Variants in ITFG1 observed in about 807,000 individuals in gnomAD.
ITFG1 encodes integrin alpha FG-GAP repeat containing 1.
ITFG1 carries 34 observed loss-of-function variants against 81.8 expected under a neutral mutation model. The observed-to-expected ratio is 0.42, with a 90% CI of 0.32 to 0.55. The LOEUF (loss-of-function observed/expected upper bound fraction) is 0.55. Ranked by LOEUF, ITFG1 falls within the 20% of genes least tolerant of loss-of-function variation. The pLI is 0.17. For synonymous variants in ITFG1, 285 were observed against 270.6 expected, an observed-to-expected ratio of 1.05 and a Z score of -0.52; for missense variants, 672 against 755.4, an observed-to-expected ratio of 0.89 and a Z score of 1.29.
intron 8 of ITFG1, among the ~76,000 whole-genome samples, chr16:47,319,598 CTTACTAAAA>C (rs1967417673): frequency 6.6e-6 from 1 of 152,122 alleles, no homozygotes; most frequent in Non-Finnish European, 1.5e-5. Context: ...AGGGTTGAGA[CTTACTAAAA>C]TTATTGTTTT....
chr16:47,181,143 G>A (rs1475635657), intron 14 of ITFG1, among the ~76,000 whole-genome samples: 4 of 145,424 alleles, frequency 2.8e-5, no homozygotes, highest in Admixed American at 1.4e-4. Context: ...GAGCGCCGCT[G>A]CCCCACCGCC....
chr16:47,162,711 T>C (rs777544546), intron 14 of ITFG1, 47 bp from the exon 15 acceptor site: 7 of 1,494,254 alleles, frequency 4.7e-6, no homozygotes, highest in Middle Eastern at 3.6e-4. Context: ...TCTGGAAACA[T>C]TGCTCCCATC....
At position 47,154,457 on chromosome 16, in the gene ITFG1, C is replaced by G. The variant is rs1964672337; in HGVS notation, c.*1262G>C. 1 of 152,030 alleles carries G rather than the reference C, an allele frequency of 6.6e-6. No individual in the cohort carries two copies. The highest frequency in any genetic ancestry group is 2.4e-5 in the African/African-American group (1 of 41,386). The allele number at this position is 152,030 out of a possible 1,614,324, so 9.4% of individuals were successfully genotyped here. ...TTAGATACAAAGTAAAAACACATGC[C>G]AATCTCAGTGAACTATAAAGAAAAA... On this transcript the variant is annotated 3_prime_UTR_variant, in exon 18 of 18. Coordinates refer to ENST00000320640, the MANE Select transcript of ITFG1 (RefSeq NM_030790.5).
chr16:47,340,230 T>A (rs1274231557), intron 8 of ITFG1, among the ~76,000 whole-genome samples: 1 of 152,040 alleles, frequency 6.6e-6, no homozygotes, highest in Non-Finnish European at 1.5e-5. Context: ...AGAAAAAAAA[T>A]TATTGGTAAA....
chr16:47,433,792 T>TATATATATATATACAC (rs1491145615), intron 5 of ITFG1, among the ~76,000 whole-genome samples: 2 of 135,652 alleles, frequency 1.5e-5, no homozygotes, highest in African/African-American at 5.7e-5. Context: ...TATATATATA[T>TATATATATATATACAC]ACACACACAC....
intron 12 of ITFG1, among the ~76,000 whole-genome samples, chr16:47,245,985 A>G (rs1965998247): frequency 1.3e-5 from 2 of 152,240 alleles, no homozygotes; most frequent in African/African-American, 4.8e-5. Context: ...ACATTATCCT[A>G]CGATGATAGG....
At chr16:47,225,276 A>C (rs1965744236) in intron 13 of ITFG1, among the ~76,000 whole-genome samples, 2 of 152,168 alleles carry the variant, frequency 1.3e-5, no homozygotes, top group Non-Finnish European at 2.9e-5. Flanking sequence ...AAAAAAAATG[A>C]ACAGAGCCTC....
intron 8 of ITFG1, among the ~76,000 whole-genome samples, chr16:47,347,668 T>C (rs1330519183): frequency 6.6e-6 from 1 of 152,196 alleles, no homozygotes; most frequent in Non-Finnish European, 1.5e-5. Context: ...GACTTAACTG[T>C]TCCTGTCTGA....
intron 14 of ITFG1, among the ~76,000 whole-genome samples, chr16:47,207,350 C>T (rs1461894903): frequency 6.6e-6 from 1 of 152,188 alleles, no homozygotes; most frequent in Non-Finnish European, 1.5e-5. Flanking sequence ...TCCCAAAGTG[C>T]TGGGATTACA....
At chr16:47,338,489 G>C (rs569218914) in intron 8 of ITFG1, among the ~76,000 whole-genome samples, 17 of 152,154 alleles carry the variant, frequency 1.1e-4, no homozygotes, top group African/African-American at 3.9e-4. Context: ...GTGAGAACCT[G>C]ATTTCCAGAG....
intron 14 of ITFG1, chr16:47,218,553 TAAC>T (rs1432055250): frequency 1.2e-5 from 2 of 166,078 alleles, no homozygotes; most frequent in East Asian, 3.3e-4. Flanking sequence ...TGAACTTAAT[TAAC>T]TAATTTGCAC....
At chr16:47,328,060 T>C (rs964793309) in intron 8 of ITFG1, among the ~76,000 whole-genome samples, 3 of 152,150 alleles carry the variant, frequency 2.0e-5, no homozygotes, top group African/African-American at 7.2e-5. Flanking sequence ...AGCAAAGACT[T>C]GGAACCAACC....
chr16:47,399,010 G>C (rs1163470174), intron 6 of ITFG1, among the ~76,000 whole-genome samples: 4 of 152,184 alleles, frequency 2.6e-5, no homozygotes, highest in Admixed American at 2.6e-4. Flanking sequence ...CCCTTAATCA[G>C]CTCTGAGAAG....
intron 5 of ITFG1, among the ~76,000 whole-genome samples, chr16:47,439,957 C>G (rs548750945): frequency 1.2e-4 from 18 of 152,212 alleles, no homozygotes; most frequent in Non-Finnish European, 1.8e-4. Context: ...CGTGCAGAGA[C>G]ACACATAGGC....
In ITFG1 at chr16:47,350,312, A is replaced by C. The variant is rs749601790; in HGVS notation, c.802+15476T>G. 3.9e-5 allele frequency among the ~76,000 whole-genome samples: 6 copies of C among 152,248 alleles called. No homozygotes were observed. In the South Asian group the frequency reaches 8.3e-4, roughly 21 times the overall value. On this transcript the variant is annotated intron_variant, in intron 8 of 17. Transcript: ENST00000320640. Reference sequence around the variant, plus strand: ...AAAAGATCAACAAAATTGATAGACCACTAGCAAGACTAATAAAGAAGAAAA... The same window carrying C: ...AAAAGATCAACAAAATTGATAGACCCCTAGCAAGACTAATAAAGAAGAAAA...
chr16:47,299,154 A>T (rs1967033107), intron 10 of ITFG1, among the ~76,000 whole-genome samples: 2 of 152,182 alleles, frequency 1.3e-5, no homozygotes, highest in South Asian at 4.1e-4. Flanking sequence ...TTTGTCTGAC[A>T]TTCAGAATAT....
intron 10 of ITFG1, among the ~76,000 whole-genome samples, chr16:47,308,948 TAGTC>T (rs1269291166): frequency 6.6e-6 from 1 of 152,136 alleles, no homozygotes; most frequent in African/African-American, 2.4e-5. Flanking sequence ...GTGATAGGAA[TAGTC>T]AGAATGAAGA....
At chr16:47,252,198 A>G (rs1359140445) in intron 12 of ITFG1, among the ~76,000 whole-genome samples, 1 of 152,226 alleles carries the variant, frequency 6.6e-6, no homozygotes, top group Non-Finnish European at 1.5e-5. Context: ...TTTATTACTG[A>G]TAATATGGTT....
intron 2 of ITFG1, among the ~76,000 whole-genome samples, chr16:47,458,242 T>C (rs1969478112): frequency 6.6e-6 from 1 of 152,216 alleles, no homozygotes; most frequent in Non-Finnish European, 1.5e-5. Flanking sequence ...TCTCATGTTC[T>C]TAGTCCTTAA....
Sources: gnomAD v4.1 joint callset for allele counts (sites outside exome capture counted in the v4.1 genomes callset) on GRCh38, gnomAD v4.1.1 for gene constraint, MANE v1.5 for transcripts, NCBI Gene and HGNC (gene_info 2026-07-23, HGNC 2026-07-21) for gene names.